SARDH: variants seen among roughly 807,000 people sequenced by gnomAD.
SARDH encodes the protein sarcosine dehydrogenase.
Under a neutral mutation model 109.1 loss-of-function variants are expected in SARDH, and 95 were observed. The observed-to-expected ratio is 0.87, with a 90% CI of 0.74 to 1.03. The LOEUF (loss-of-function observed/expected upper bound fraction) is 1.03. Among genes scored for constraint, SARDH ranks in the 50% least tolerant of loss-of-function variants. The pLI is 0.00. For synonymous variants in SARDH, 572 were observed against 534.8 expected, an observed-to-expected ratio of 1.07 and a Z score of -0.96; for missense variants, 1,267 against 1,287.8, an observed-to-expected ratio of 0.98 and a Z score of 0.25.
chr9:133,664,696 T>C (rs1157776195), intron 20 of SARDH, among the ~76,000 whole-genome samples: 1 of 152,228 alleles, frequency 6.6e-6, no homozygotes, highest in Non-Finnish European at 1.5e-5. Flanking sequence ...GGCTCCGCTC[T>C]GGGAGTCAGA....
In SARDH at chr9:133,730,160, T is replaced by G; in HGVS notation, c.718A>C (p.Ile240Leu). Reference sequence around the variant, plus strand: ...CCAAAATCATCCGTCCACACACGAATGCCGGTCACTGGGCAGTTCTCAATG... The same window carrying G: ...CCAAAATCATCCGTCCACACACGAAGGCCGGTCACTGGGCAGTTCTCAATG... ...QVIENCPVTGIRVWTDDFGVR... is the reference protein window; with the variant it reads ...QVIENCPVTGLRVWTDDFGVR... The change falls in exon 5 of 21, where the codon ATT becomes CTT. Residue 240 changes from isoleucine (I) to leucine (L), a missense_variant. Coordinates refer to ENST00000439388, the MANE Select transcript of SARDH (RefSeq NM_001134707.2). The G allele has an allele frequency of 1.2e-6, 2 of 1,614,228 alleles. No homozygotes were observed. Among genetic ancestry groups the G allele is most frequent in the Non-Finnish European group, 1.7e-6 (2 of 1,180,050 alleles).
chr9:133,712,294 G>T lies in SARDH; in HGVS notation c.1328+325C>A, dbSNP rs1039423795. Among the ~76,000 whole-genome samples the T allele has an allele frequency of 2.0e-5, 3 of 152,088 alleles. No individual in the cohort carries two copies. The highest frequency in any genetic ancestry group is 4.4e-5 in the Non-Finnish European group (3 of 67,994). Reference sequence around the variant, plus strand: ...AGCACAGTTTTCCCAGCTCAGCCCCGCTCCCTCCTGCCCCCAGGCCTCAGT... The same window carrying T: ...AGCACAGTTTTCCCAGCTCAGCCCCTCTCCCTCCTGCCCCCAGGCCTCAGT... On this transcript the variant is annotated intron_variant, in intron 10 of 20. Transcript: ENST00000439388. The surrounding 1 kb of genome is among the most constrained non-coding windows in gnomAD (Gnocchi z 4.1).
In SARDH at chr9:133,670,565, G is replaced by A. The variant is rs1159525179; in HGVS notation, c.2495+19C>T. 3 of 1,561,716 alleles carry A rather than the reference G, an allele frequency of 1.9e-6. No homozygotes were observed. In the African/African-American group the frequency reaches 4.1e-5, roughly 21 times the overall value. ...TAGGCAGTTGCTTCCGGGTGGGCGT[G>A]GAACAGCGGGATACTCACTCCTCCA... is the stretch of plus-strand genomic sequence containing the variant. On this transcript the variant is annotated intron_variant, in intron 19 of 20. Coordinates refer to ENST00000439388, the MANE Select transcript of SARDH (RefSeq NM_001134707.2).
chr9:133,676,941 C>G (rs929042030), intron 17 of SARDH, among the ~76,000 whole-genome samples: 1 of 152,178 alleles, frequency 6.6e-6, no homozygotes, highest in Non-Finnish European at 1.5e-5. Context: ...GAGTTTGAGA[C>G]CAGCCTGGCC....
intron 17 of SARDH, among the ~76,000 whole-genome samples, chr9:133,681,828 G>C (rs1830704935): frequency 6.6e-6 from 1 of 152,156 alleles, no homozygotes; most frequent in Non-Finnish European, 1.5e-5. Context: ...TATGCGTGTA[G>C]CACCTCCCCG....
intron 11 of SARDH, among the ~76,000 whole-genome samples, chr9:133,707,603 A>G (rs532824787): frequency 1.3e-5 from 2 of 152,146 alleles, no homozygotes; most frequent in Admixed American, 6.5e-5. Context: ...CCGCCCATCC[A>G]TCTGTTCAAC....
intron 18 of SARDH, 44 bp downstream of exon 18, chr9:133,671,491 A>T: frequency 1.3e-6 from 2 of 1,492,570 alleles, no homozygotes; most frequent in Non-Finnish European, 1.8e-6. Flanking sequence ...ACTGCCCCCC[A>T]CTGCGCCCGC....
At chr9:133,668,253 C>T (rs1391868896) in intron 19 of SARDH, among the ~76,000 whole-genome samples, 10 of 150,250 alleles carry the variant, frequency 6.7e-5, no homozygotes, top group East Asian at 2.0e-4. Flanking sequence ...CACAGGATGA[C>T]GACGACACGG....
chr9:133,685,415 G>A, intron 16 of SARDH, 129 bp from the exon 17 acceptor site: 1 of 648,218 alleles, frequency 1.5e-6, no homozygotes, highest in Non-Finnish European at 2.6e-6. Context: ...AATAAACATG[G>A]ATTAATAAAA....
In SARDH at chr9:133,693,936, G is replaced by A. The variant is rs1205666875; in HGVS notation, c.1921+322C>T. ...AGGAGCTGACTGCTTTGAGTGGGAGGCACGGCCTAGCATTGGTACGCTTTG... is the reference window on the plus strand; with the variant it reads ...AGGAGCTGACTGCTTTGAGTGGGAGACACGGCCTAGCATTGGTACGCTTTG... On this transcript the variant is annotated intron_variant, in intron 15 of 20. Coordinates refer to ENST00000439388, the MANE Select transcript of SARDH (RefSeq NM_001134707.2). The surrounding 1 kb of genome is among the most constrained non-coding windows in gnomAD (Gnocchi z 5.6). 6.6e-6 allele frequency among the ~76,000 whole-genome samples: 1 copy of A among 152,216 alleles called. No homozygotes were observed. The highest frequency in any genetic ancestry group is 1.5e-5 in the Non-Finnish European group (1 of 68,042).
At chr9:133,711,889 C>T (rs892123696) in intron 10 of SARDH, among the ~76,000 whole-genome samples, 2 of 152,174 alleles carry the variant, frequency 1.3e-5, no homozygotes, top group African/African-American at 4.8e-5. Context: ...GGAGAGGCCA[C>T]CGCCATGAGG....
rs887677287 is a variant in SARDH, at chr9:133,692,940, C to A, written c.1921+1318G>T. Among the ~76,000 whole-genome samples, 1 of 152,146 alleles carries A rather than the reference C, an allele frequency of 6.6e-6. No homozygotes were observed. Among genetic ancestry groups the A allele is most frequent in the Non-Finnish European group, 1.5e-5 (1 of 68,016 alleles). ...CTCTCAGCCTCATCTCCGCCACCAG[C>A]CTCCAGACCGCAGGGCTCACCTCAC... On this transcript the variant is annotated intron_variant, in intron 15 of 20. Transcript: ENST00000439388. This position sits in a 1 kb window ranked among gnomAD's most constrained non-coding sequence, Gnocchi z 5.0.
chr9:133,732,308 T>C, intron 3 of SARDH, 115 bp downstream of exon 3: 2 of 519,070 alleles, frequency 3.9e-6, no homozygotes, highest in South Asian at 3.0e-5. Context: ...ACCTCCACCC[T>C]CACAGGGAGC....
At chr9:133,702,019 A>G (rs1831506731) in intron 13 of SARDH, among the ~76,000 whole-genome samples, 1 of 152,192 alleles carries the variant, frequency 6.6e-6, no homozygotes, top group Admixed American at 6.5e-5. Context: ...TAGAGGCCCC[A>G]GGAAGGAACC....
intron 19 of SARDH, among the ~76,000 whole-genome samples, chr9:133,668,300 TCTCCCTCCCTCTCCCCC>T (rs1830150280): frequency 4.0e-5 from 2 of 50,090 alleles, no homozygotes; most frequent in African/African-American, 1.6e-4. Context: ...TCTCCCTCCC[TCTCCCTCCCTCTCCCCC>T]ACCCTCCCTC....
chr9:133,694,066 T>C (rs1248266147), intron 15 of SARDH, among the ~76,000 whole-genome samples, 192 bp downstream of exon 15: 1 of 152,172 alleles, frequency 6.6e-6, no homozygotes, highest in African/African-American at 2.4e-5. Context: ...GCTCCAGCAA[T>C]GCCGCCTGAA....
Position 133,690,545 on chromosome 9 carries a change from G to A in SARDH, c.1922-18C>T. On this transcript the variant is annotated intron_variant, in intron 15 of 20. Transcript: ENST00000439388. ...ACCGTCCCCTGGAAGAGAGGCACCT[G>A]GACTTAGAGCAGGATTTCAGGGCCT... 1 of 1,590,068 alleles carries A rather than the reference G, an allele frequency of 6.3e-7. No homozygotes were observed. The highest frequency in any genetic ancestry group is 8.5e-7 in the Non-Finnish European group (1 of 1,170,686).
At chr9:133,667,725 T>C (rs1257237705) in intron 19 of SARDH, among the ~76,000 whole-genome samples, 1 of 152,164 alleles carries the variant, frequency 6.6e-6, no homozygotes, top group African/African-American at 2.4e-5. Context: ...GCTGGGGTGA[T>C]GTTGAGGGCA....
At position 133,686,026 on chromosome 9, in the gene SARDH, A is replaced by G. The variant is rs1830872718; in HGVS notation, c.2070-740T>C. 6.6e-6 allele frequency among the ~76,000 whole-genome samples: 1 copy of G among 152,084 alleles called. No homozygotes were observed. The highest frequency in any genetic ancestry group is 2.1e-4 in the South Asian group (1 of 4,828). On this transcript the variant is annotated intron_variant, in intron 16 of 20. Coordinates refer to ENST00000439388, the MANE Select transcript of SARDH (RefSeq NM_001134707.2). The surrounding 1 kb of genome is among the most constrained non-coding windows in gnomAD (Gnocchi z 4.0). ...GTGCTAAGAGCCATTTCAACCTCCT[A>G]GGGGACTGTCACCTACCGAGGGCAG...
Sources: allele counts gnomAD v4.1 joint callset (sites outside exome capture counted in the v4.1 genomes callset), GRCh38; gene constraint gnomAD v4.1.1; non-coding constraint Gnocchi (gnomAD v3.1); transcripts MANE v1.5; gene names NCBI Gene and HGNC (gene_info 2026-07-23, HGNC 2026-07-21).